The following RGS17 variants were observed in gnomAD, a reference collection of about 807,000 sequenced individuals.
RGS17 encodes regulator of G protein signaling 17, also known as regulator of G-protein signaling 17.
In RGS17, 12 loss-of-function variants were observed where a neutral mutation model predicts 25.5. The ratio of observed to expected loss-of-function variants is 0.47; its 90% CI spans 0.30 to 0.76. RGS17 has a LOEUF of 0.76. RGS17 is among the 30% of genes least tolerant of loss of function. The pLI is 0.07. For synonymous variants in RGS17, 71 were observed against 76.9 expected, an observed-to-expected ratio of 0.92 and a Z score of 0.40; for missense variants, 196 against 242.2, an observed-to-expected ratio of 0.81 and a Z score of 1.27.
intron 1 of RGS17, among the ~76,000 whole-genome samples, chr6:153,085,856 AC>A (rs1777046338): frequency 6.6e-6 from 1 of 152,228 alleles, no homozygotes; most frequent in African/African-American, 2.4e-5. Flanking sequence ...TCATGAGCTT[AC>A]CATGCAGATT....
intron 4 of RGS17, among the ~76,000 whole-genome samples, chr6:153,012,070 T>C (rs1408873181): frequency 6.6e-6 from 1 of 152,242 alleles, no homozygotes; most frequent in Non-Finnish European, 1.5e-5. Flanking sequence ...ATGGTTGAGA[T>C]ACCAGAAATT....
At chr6:153,021,292 C>T (rs896598453) in intron 4 of RGS17, among the ~76,000 whole-genome samples, 6 of 152,176 alleles carry the variant, frequency 3.9e-5, no homozygotes, top group African/African-American at 1.2e-4. Context: ...CTGACATGTG[C>T]TCTCTCCAAT....
chr6:153,108,278 T>C (rs1468017217), intron 1 of RGS17, among the ~76,000 whole-genome samples: 1 of 152,362 alleles, frequency 6.6e-6, no homozygotes, highest in Middle Eastern at 3.4e-3. Flanking sequence ...CATATTCCTT[T>C]AGGTTTTCTA....
intron 1 of RGS17, among the ~76,000 whole-genome samples, chr6:153,109,313 T>C (rs1777432863): frequency 6.6e-6 from 1 of 152,240 alleles, no homozygotes; most frequent in Non-Finnish European, 1.5e-5. Flanking sequence ...CAAAGGGTAC[T>C]TTGCCAATGA....
Position 153,008,930 on chromosome 6 carries a change from T to C in RGS17, c.*2644A>G, listed in dbSNP as rs544941191. 6.6e-6 allele frequency: 1 copy of C among 152,058 alleles called. No homozygotes were observed. Among genetic ancestry groups the C allele is most frequent in the Non-Finnish European group, 1.5e-5 (1 of 67,972 alleles). 9.4% of individuals were successfully genotyped at this position (152,058 alleles called of 1,614,324 possible). A position where few individuals can be genotyped will look rare whatever the true frequency, so the allele number is the denominator to read the frequency against. ...AGACATACTCTTAAATGAGAAACCC[T>C]CCCCTCACCCAAAAATACGAGTTTA... On this transcript the variant is annotated 3_prime_UTR_variant, in exon 5 of 5. Coordinates refer to ENST00000206262, the MANE Select transcript of RGS17 (RefSeq NM_012419.5).
chr6:153,044,282 C>T (rs532494723), intron 1 of RGS17, among the ~76,000 whole-genome samples: 14 of 152,276 alleles, frequency 9.2e-5, no homozygotes, highest in Admixed American at 8.5e-4. Flanking sequence ...AACAAAGTTG[C>T]CACGTAATCA....
chr6:153,093,570 T>A (rs1215615972), intron 1 of RGS17, among the ~76,000 whole-genome samples: 1 of 152,142 alleles, frequency 6.6e-6, no homozygotes, highest in Admixed American at 6.5e-5. Context: ...GGATGAGGAC[T>A]AAACAAGGGA....
chr6:153,113,798 T>C (rs1235534211), intron 1 of RGS17, among the ~76,000 whole-genome samples: 1 of 152,118 alleles, frequency 6.6e-6, no homozygotes, highest in East Asian at 1.9e-4. Flanking sequence ...CTCAACTACA[T>C]GGAAACTGAA....
intron 4 of RGS17, among the ~76,000 whole-genome samples, chr6:153,012,105 T>A (rs1163637731): frequency 2.6e-5 from 4 of 152,194 alleles, no homozygotes; most frequent in Admixed American, 2.0e-4. Context: ...TGAATTCACC[T>A]CCTGCTATTC....
At chr6:153,089,275 T>G (rs1004635841) in intron 1 of RGS17, among the ~76,000 whole-genome samples, 4 of 151,748 alleles carry the variant, frequency 2.6e-5, no homozygotes, top group African/African-American at 9.7e-5. Flanking sequence ...GAGGTTTGAG[T>G]AGGGGGAAGT....
chr6:153,101,218 C>T (rs907676707), intron 1 of RGS17, among the ~76,000 whole-genome samples: 3 of 152,186 alleles, frequency 2.0e-5, no homozygotes, highest in Admixed American at 6.5e-5. Context: ...TTGAACAACA[C>T]GGATTTGAAC....
intron 1 of RGS17, among the ~76,000 whole-genome samples, chr6:153,095,512 A>T (rs1026992915): frequency 1.5e-4 from 23 of 152,194 alleles, no homozygotes; most frequent in African/African-American, 5.5e-4. Flanking sequence ...TACCCACTTA[A>T]TAATTGAATC....
rs1016543293 is a variant in RGS17 at position 153,015,332 on chromosome 6, A to C, written c.445-3570T>G. ...GCTCTACTGTGGGTAAAATGCTACC[A>C]AACAGCATTACATGCTATAGAGAAA... On this transcript the variant is annotated intron_variant, in intron 4 of 4. Transcript: ENST00000206262. Among the ~76,000 whole-genome samples the C allele has an allele frequency of 2.0e-5, 3 of 152,358 alleles. 1 individual carries two copies. The East Asian group carries it at 5.8e-4, about 29-fold the overall frequency.
chr6:153,113,683 A>C (rs1442798020), intron 1 of RGS17, among the ~76,000 whole-genome samples: 1 of 152,186 alleles, frequency 6.6e-6, no homozygotes, highest in East Asian at 1.9e-4. Flanking sequence ...ATTGGAAGTA[A>C]AACACTCCTC....
intron 1 of RGS17, among the ~76,000 whole-genome samples, chr6:153,070,186 T>C (rs1415535885): frequency 6.6e-6 from 1 of 152,094 alleles, no homozygotes; most frequent in Non-Finnish European, 1.5e-5. Context: ...CTCTCTGATA[T>C]ACAGAAGAAA....
At chr6:153,111,006 G>T (rs1777461516) in intron 1 of RGS17, among the ~76,000 whole-genome samples, 1 of 151,852 alleles carries the variant, frequency 6.6e-6, no homozygotes, top group South Asian at 2.1e-4. Context: ...ACAAAACTGG[G>T]CAGCCATTTG....
chr6:153,077,107 A>C (rs995008774), intron 1 of RGS17, among the ~76,000 whole-genome samples: 5 of 152,230 alleles, frequency 3.3e-5, no homozygotes, highest in African/African-American at 1.2e-4. Flanking sequence ...CTCATCTACT[A>C]GTCTTCCCAC....
intron 1 of RGS17, among the ~76,000 whole-genome samples, chr6:153,113,508 T>G (rs1269371711): frequency 1.3e-5 from 2 of 152,114 alleles, no homozygotes; most frequent in East Asian, 3.9e-4. Flanking sequence ...ACTGTCAATA[T>G]TAGACAGATC....
intron 1 of RGS17, among the ~76,000 whole-genome samples, chr6:153,111,619 G>A (rs1261968518): frequency 4.6e-5 from 7 of 152,196 alleles, no homozygotes; most frequent in African/African-American, 1.7e-4. Flanking sequence ...CCTCAAGTGG[G>A]TCCCTGACCC....
Sources: allele counts gnomAD v4.1 joint callset (sites outside exome capture counted in the v4.1 genomes callset), GRCh38; gene constraint gnomAD v4.1.1; transcripts MANE v1.5; gene names NCBI Gene and HGNC (gene_info 2026-07-23, HGNC 2026-07-21).